PPP2R3B: variants seen among roughly 807,000 people sequenced by gnomAD.
PPP2R3B encodes protein phosphatase 2 regulatory subunit B''beta.
A neutral mutation model predicts 72.9 loss-of-function variants in PPP2R3B; 68 were observed. The ratio of observed to expected loss-of-function variants is 0.93; its 90% CI spans 0.77 to 1.14. The LOEUF (loss-of-function observed/expected upper bound fraction) is 1.14, where lower values mean the gene tolerates loss of function less well. Ranked by LOEUF, PPP2R3B falls within the 50% of genes most tolerant of loss-of-function variation. The pLI, the probability that PPP2R3B is intolerant of heterozygous loss-of-function variation, is 0.00. For synonymous variants in PPP2R3B, 466 were observed against 375.8 expected (o/e 1.24, Z -2.78); for missense variants, 1,018 against 842.0 (o/e 1.21, Z -2.59).
chrX:371,427 A>AT (rs1431225039), intron 1 of PPP2R3B, among the ~76,000 whole-genome samples: 1 of 152,028 alleles, frequency 6.6e-6, no homozygotes, highest in Non-Finnish European at 1.5e-5. Flanking sequence ...GTGACAGGGA[A>AT]GTGGGCAGTG....
intron 7 of PPP2R3B, 119 bp downstream of exon 7, chrX:345,397 G>C (rs1486860778): frequency 1.5e-6 from 2 of 1,355,906 alleles, no homozygotes; most frequent in Admixed American, 4.0e-5. Context: ...GCGAAGGAGA[G>C]GCAGCTGCAG....
chrX:341,122 CCGTGCAGCCCCCACCAGGCGTGCACAT>C (rs2071060482), intron 9 of PPP2R3B, 158 bp downstream of exon 9: 3 of 343,992 alleles, frequency 8.7e-6, no homozygotes, highest in South Asian at 1.4e-4. Flanking sequence ...TCCCCCTGTG[CCGTGCAGCCCCCACCAGGCGTGCACAT>C]GTCCCCCTGT....
intron 2 of PPP2R3B, among the ~76,000 whole-genome samples, chrX:354,240 CAAACACTGGGGGCTCACCCA>C (rs1219018821): frequency 1.8e-5 from 1 of 54,304 alleles, no homozygotes; most frequent in African/African-American, 8.8e-5. Flanking sequence ...GGGGCTCACC[CAAACACTGGGGGCTCACCCA>C]AACACCAGGG....
At chrX:360,659 G>A (rs1006225878) in intron 2 of PPP2R3B, among the ~76,000 whole-genome samples, 8 of 152,184 alleles carry the variant, frequency 5.3e-5, no homozygotes, top group Non-Finnish European at 7.3e-5. Flanking sequence ...GTGCACCGAG[G>A]CTCTGGGGCT....
chrX:361,250 C>G (rs2071531709), intron 2 of PPP2R3B, 155 bp downstream of exon 2: 1 of 306,990 alleles, frequency 3.3e-6, no homozygotes, highest in Admixed American at 6.5e-5. Flanking sequence ...CAGAGAAAAC[C>G]TGGGCCGCTC....
At chrX:380,617 C>T (rs1026155493) in intron 1 of PPP2R3B, among the ~76,000 whole-genome samples, 3 of 151,936 alleles carry the variant, frequency 2.0e-5, no homozygotes, top group Non-Finnish European at 4.4e-5. Flanking sequence ...GAAACCCCAT[C>T]TCTACTAAAA....
At position 386,421 on chromosome X, in the gene PPP2R3B, G is replaced by A. The variant is rs1219778314; in HGVS notation, c.271C>T (p.Pro91Ser). The A allele has an allele frequency of 6.1e-6, 8 of 1,319,310 alleles. No homozygotes were observed. Among genetic ancestry groups the A allele is most frequent in the Non-Finnish European group, 7.8e-6 (8 of 1,029,520 alleles). The allele number at this position is 1,319,310 out of a possible 1,614,324, so 81.7% of individuals were successfully genotyped here. ...CCTCGAACGTGGGGCGCGTTCCTGG[G>A]GCTGGAGGCGGCGCCCAGGGGCAGC... ...PALPLGAASS[P>S]RNAPHVRGTR... Residue 91 changes from proline (P) to serine (S), a missense_variant, in exon 1 of 13, where the codon CCC (proline) becomes TCC (serine). Physicochemically the swap from Pro to Ser is moderately conservative, Grantham distance 74. Coordinates refer to ENST00000390665, the MANE Select transcript of PPP2R3B (RefSeq NM_013239.5).
Position 334,187 on chromosome X carries a change from G to C in PPP2R3B, c.*180C>G, listed in dbSNP as rs1440209724. On this transcript the variant is annotated 3_prime_UTR_variant, in exon 13 of 13. Coordinates refer to ENST00000390665, the MANE Select transcript of PPP2R3B (RefSeq NM_013239.5). ...CGGCCCTACGTGTCCCCCTGGCACA[G>C]AGCTCTGGGCAGGTCCAGCCACGAA... is the stretch of plus-strand genomic sequence containing the variant. 1.1e-5 allele frequency: 7 copies of C among 662,330 alleles called. 1 individual carries two copies. The South Asian group carries it at 1.2e-4, about 12-fold the overall frequency. 41.0% of individuals were successfully genotyped at this position (662,330 alleles called of 1,614,324 possible).
rs184454150 is a variant in PPP2R3B at position 370,830 on chromosome X, G to A, written c.325-9240C>T. ...GTCAGGGACGCCCAGAGCCCAGGCTGTCACCACGCTGAAGTCAGTTCCAAG... is the reference window on the plus strand; with the variant it reads ...GTCAGGGACGCCCAGAGCCCAGGCTATCACCACGCTGAAGTCAGTTCCAAG... On this transcript the variant is annotated intron_variant, in intron 1 of 12. Transcript: ENST00000390665. Among the ~76,000 whole-genome samples, 267 of 152,348 alleles carry A rather than the reference G, an allele frequency of 1.8e-3. 2 individuals carry two copies. The highest frequency in any genetic ancestry group is 6.1e-3 in the African/African-American group (255 of 41,596).
In PPP2R3B at chrX:334,265, G is replaced by A. The variant is rs368160829; in HGVS notation, c.*102C>T. 1.4e-4 allele frequency: 175 copies of A among 1,283,692 alleles called. No individual in the cohort carries two copies. Among genetic ancestry groups the A allele is most frequent in the South Asian group, 4.6e-4 (28 of 60,720 alleles). The allele number at this position is 1,283,692 out of a possible 1,614,324, so 79.5% of individuals were successfully genotyped here. A position where few individuals can be genotyped will look rare whatever the true frequency, so the allele number is the denominator to read the frequency against. On this transcript the variant is annotated 3_prime_UTR_variant, in exon 13 of 13. Transcript: ENST00000390665. ...TGAATAAATAAAAGTTTATCATTCC[G>A]TACAAACGCACTCATTTTCCACAAC...
intron 2 of PPP2R3B, among the ~76,000 whole-genome samples, chrX:355,223 T>G (rs2071412431): frequency 6.6e-6 from 1 of 152,176 alleles, no homozygotes; most frequent in South Asian, 2.1e-4. Flanking sequence ...CATTCACAAT[T>G]GACAATCATA....
intron 1 of PPP2R3B, among the ~76,000 whole-genome samples, chrX:380,231 A>G (rs2072092898): frequency 6.6e-6 from 1 of 152,230 alleles, no homozygotes; most frequent in Admixed American, 6.5e-5. Context: ...TTGAAAAACT[A>G]AACACTTTTG....
intron 2 of PPP2R3B, among the ~76,000 whole-genome samples, chrX:355,601 G>A (rs1347673184): frequency 2.0e-5 from 3 of 152,138 alleles, no homozygotes; most frequent in Non-Finnish European, 2.9e-5. Context: ...CACGCGATCC[G>A]GCCCTCCACA....
chrX:376,937 T>C (rs1297003411), intron 1 of PPP2R3B, among the ~76,000 whole-genome samples: 1 of 33,130 alleles, frequency 3.0e-5, no homozygotes, highest in African/African-American at 1.6e-4. Flanking sequence ...CACTACTGTA[T>C]GCAGGGACGG....
chrX:350,973 G>A (rs1231188904), intron 2 of PPP2R3B, among the ~76,000 whole-genome samples: 6 of 152,166 alleles, frequency 3.9e-5, no homozygotes, highest in African/African-American at 1.4e-4. Flanking sequence ...ATAAACTGTG[G>A]CAGAGTCGTC....
intron 6 of PPP2R3B, 61 bp from the exon 7 acceptor site, chrX:345,733 T>G: frequency 7.8e-7 from 1 of 1,282,790 alleles, no homozygotes; most frequent in Non-Finnish European, 1.0e-6. Context: ...CAAGTCCGCC[T>G]GGCTGCGGGC....
chrX:373,638 G>A (rs774801244), intron 1 of PPP2R3B: 23 of 280,416 alleles, frequency 8.2e-5, no homozygotes, highest in Non-Finnish European at 1.4e-4. Context: ...CTGGCGCAGC[G>A]AGCGCTCGCG....
At chrX:376,198 G>GA (rs59781955) in intron 1 of PPP2R3B, among the ~76,000 whole-genome samples, 195 of 115,716 alleles carry the variant, frequency 1.7e-3, no homozygotes, top group African/African-American at 2.4e-3. Context: ...TCTCAAAAAG[G>GA]AAAAAAAAAA....
In PPP2R3B at chrX:347,599, A is replaced by G; in HGVS notation, c.605T>C (p.Met202Thr). 1 of 1,577,378 alleles carries G rather than the reference A, an allele frequency of 6.3e-7. No individual in the cohort carries two copies. Among genetic ancestry groups the G allele is most frequent in the Non-Finnish European group, 8.6e-7 (1 of 1,161,044 alleles). The change falls in exon 3 of 13, where the codon ATG (methionine) becomes ACG (threonine). Residue 202 changes from methionine (M) to threonine (T), a missense_variant. Coordinates refer to ENST00000390665, the MANE Select transcript of PPP2R3B (RefSeq NM_013239.5). ...CCAGCCCAGGACTCACTTTCTCCACATGGCGACGAACTTGTGGACGGACAC... is the reference window on the plus strand; with the variant it reads ...CCAGCCCAGGACTCACTTTCTCCACGTGGCGACGAACTTGTGGACGGACAC... ...GSVSVHKFVA[M>T]WRKILQNCHD...
Sources: gnomAD v4.1 joint callset for allele counts (sites outside exome capture counted in the v4.1 genomes callset) on GRCh38, gnomAD v4.1.1 for gene constraint, MANE v1.5 for transcripts, NCBI Gene and HGNC (gene_info 2026-07-23, HGNC 2026-07-21) for gene names.